Variants in SLC7A6 observed in about 807,000 individuals in gnomAD.
SLC7A6 encodes the protein solute carrier family 7 member 6.
In SLC7A6, 29 loss-of-function variants were observed where a neutral mutation model predicts 46.6. The observed-to-expected ratio is 0.62, with a 90% CI of 0.46 to 0.85. SLC7A6 has a LOEUF of 0.85. Ranked by LOEUF, SLC7A6 falls within the 40% of genes least tolerant of loss-of-function variation. The pLI is 0.00. For missense variants in SLC7A6, 527 were observed against 647.6 expected, an observed-to-expected ratio of 0.81 and a Z score of 2.02; for synonymous variants, 276 against 257.3, an observed-to-expected ratio of 1.07 and a Z score of -0.70.
At chr16:68,268,989 G>A (rs895773070) in intron 2 of SLC7A6, among the ~76,000 whole-genome samples, 1 of 151,706 alleles carries the variant, frequency 6.6e-6, no homozygotes, top group East Asian at 1.9e-4. Context: ...CGTGGGCAAC[G>A]AGCGAAACTC....
rs2043213166 is a variant in SLC7A6, at chr16:68,298,489, A to G, written c.*1161A>G. 1.3e-5 allele frequency: 2 copies of G among 152,276 alleles called. No homozygotes were observed. The highest frequency in any genetic ancestry group is 2.4e-5 in the African/African-American group (1 of 41,454). 9.4% of individuals were successfully genotyped at this position (152,276 alleles called of 1,614,324 possible). A position where few individuals can be genotyped will look rare whatever the true frequency, so the allele number is the denominator to read the frequency against. On this transcript the variant is annotated 3_prime_UTR_variant, in exon 11 of 11. Coordinates refer to ENST00000219343, the MANE Select transcript of SLC7A6 (RefSeq NM_003983.6). Reference sequence around the variant, plus strand: ...TGCATCCTCTTCTGTCCCTGGCACCAGGCTTTGTTTACACTTGGAGCCACC... The same window carrying G: ...TGCATCCTCTTCTGTCCCTGGCACCGGGCTTTGTTTACACTTGGAGCCACC...
chr16:68,264,808 T>A lies in SLC7A6; in HGVS notation c.-166+232T>A, dbSNP rs916609254. On this transcript the variant is annotated intron_variant, in intron 1 of 10. Coordinates refer to ENST00000219343, the MANE Select transcript of SLC7A6 (RefSeq NM_003983.6). This position sits in a 1 kb window ranked among gnomAD's most constrained non-coding sequence, Gnocchi z 5.8. ...AGGGCCGAGTGTGGGAGAAACGCTG[T>A]ATGGGTGCGAGCCCCGGAGGCTGAT... 2.6e-5 allele frequency: 4 copies of A among 152,228 alleles called. No homozygotes were observed. Among genetic ancestry groups the A allele is most frequent in the African/African-American group, 9.7e-5 (4 of 41,346 alleles). The allele number at this position is 152,228 out of a possible 1,614,324, so 9.4% of individuals were successfully genotyped here. A position where few individuals can be genotyped will look rare whatever the true frequency, so the allele number is the denominator to read the frequency against.
intron 3 of SLC7A6, among the ~76,000 whole-genome samples, chr16:68,278,928 C>T (rs1020505506): frequency 1.2e-3 from 188 of 151,350 alleles, no homozygotes; most frequent in African/African-American, 4.1e-3. Context: ...GGGCGGCTGC[C>T]GGGCGGAGGC....
intron 3 of SLC7A6, among the ~76,000 whole-genome samples, chr16:68,279,123 C>T (rs1304704956): frequency 6.6e-6 from 1 of 151,298 alleles, no homozygotes; most frequent in African/African-American, 2.4e-5. Flanking sequence ...ATCACTTGAG[C>T]ACAGGAGTTT....
chr16:68,300,802 C>G lies in SLC7A6; in HGVS notation c.*3474C>G. 1 of 985,720 alleles carries G rather than the reference C, an allele frequency of 1.0e-6. No individual in the cohort carries two copies. The highest frequency in any genetic ancestry group is 1.2e-6 in the Non-Finnish European group (1 of 830,166). 61.1% of individuals were successfully genotyped at this position (985,720 alleles called of 1,614,324 possible). On this transcript the variant is annotated 3_prime_UTR_variant, in exon 11 of 11. Coordinates refer to ENST00000219343, the MANE Select transcript of SLC7A6 (RefSeq NM_003983.6). ...TTTCTGCCCTAATGGCCATTACTATCCAGTCTGTATTGCTACAAGGGACCC... is the reference window on the plus strand; with the variant it reads ...TTTCTGCCCTAATGGCCATTACTATGCAGTCTGTATTGCTACAAGGGACCC...
rs2043279468 is a variant in SLC7A6, at chr16:68,301,682, T to C, written c.*4354T>C. The C allele has an allele frequency of 7.8e-6, 2 of 256,442 alleles. No homozygotes were observed. The highest frequency in any genetic ancestry group is 5.2e-5 in the Admixed American group (1 of 19,414). The allele number at this position is 256,442 out of a possible 1,614,324, so 15.9% of individuals were successfully genotyped here. ...CTCCGTATAGGATTTTTTGTTGTTG[T>C]AAGAGTTGTAGTCATATTGTAAATA... On this transcript the variant is annotated 3_prime_UTR_variant, in exon 11 of 11. Transcript: ENST00000219343.
rs2043238651 is a variant in SLC7A6, at chr16:68,299,855, G to A, written c.*2527G>A. ...GTTTTAATTAGCTGCAATATATACG[G>A]CCTGTGTACACAGAATTTAATCACT... is the stretch of plus-strand genomic sequence containing the variant. On this transcript the variant is annotated 3_prime_UTR_variant, in exon 11 of 11. Coordinates refer to ENST00000219343, the MANE Select transcript of SLC7A6 (RefSeq NM_003983.6). 6.6e-6 allele frequency: 1 copy of A among 152,148 alleles called. No homozygotes were observed. Among genetic ancestry groups the A allele is most frequent in the African/African-American group, 2.4e-5 (1 of 41,428 alleles). 9.4% of individuals were successfully genotyped at this position (152,148 alleles called of 1,614,324 possible).
intron 4 of SLC7A6, among the ~76,000 whole-genome samples, chr16:68,289,281 G>A (rs2043000666): frequency 1.3e-5 from 2 of 151,898 alleles, no homozygotes. Context: ...CAACAAGAAC[G>A]AAACTCTGTC....
intron 3 of SLC7A6, among the ~76,000 whole-genome samples, chr16:68,283,240 T>G (rs2042861185): frequency 6.6e-6 from 1 of 152,240 alleles, no homozygotes; most frequent in African/African-American, 2.4e-5. Flanking sequence ...TTTGTTTCTC[T>G]CACATGTTAA....
intron 3 of SLC7A6, among the ~76,000 whole-genome samples, chr16:68,277,316 T>TTTTA (rs71145991): frequency 0.033 from 4,552 of 135,904 alleles, 126 homozygotes; most frequent in East Asian, 0.07. Flanking sequence ...AGAAGAGTAC[T>TTTTA]TTTATTTATT....
At chr16:68,296,591 CCCA>C (rs1388824832) in intron 9 of SLC7A6, 33 bp from the exon 10 acceptor site, 11 of 1,613,602 alleles carry the variant, frequency 6.8e-6, no homozygotes, top group Non-Finnish European at 9.3e-6. Context: ...GTTTCCTCTT[CCCA>C]CGTTACTTAA....
intron 3 of SLC7A6, among the ~76,000 whole-genome samples, chr16:68,284,859 C>CTCTTTTTTTT (rs776927373): frequency 9.4e-5 from 9 of 95,646 alleles, no homozygotes; most frequent in African/African-American, 4.1e-4. Context: ...ATTTTCTCGT[C>CTCTTTTTTTT]TTTTTTTTTT....
Position 68,284,859 on chromosome 16 carries a change from C to CT in SLC7A6, c.524-2869dup, listed in dbSNP as rs71384525. On this transcript the variant is annotated intron_variant, in intron 3 of 10. Transcript: ENST00000219343. The stretch of plus-strand genomic sequence containing the variant: ...CTGTCTCTTCTGTGTATTTTCTCGT[C>CT]TTTTTTTTTTTTTTTTTTAGAGACA... 5.1e-4 allele frequency among the ~76,000 whole-genome samples: 49 copies of CT among 95,604 alleles called. 1 individual carries two copies. The highest frequency in any genetic ancestry group is 0.014 in the Middle Eastern group (2 of 142). The allele number at this position is 95,604 out of a possible 152,430, so 62.7% of individuals were successfully genotyped here.
At chr16:68,280,708 C>T (rs763357714) in intron 3 of SLC7A6, among the ~76,000 whole-genome samples, 2 of 151,812 alleles carry the variant, frequency 1.3e-5, no homozygotes, top group East Asian at 1.9e-4. Flanking sequence ...GTTGGGATTA[C>T]AGGCATGAGC....
At chr16:68,289,062 C>G (rs1247158377) in intron 4 of SLC7A6, among the ~76,000 whole-genome samples, 1 of 150,522 alleles carries the variant, frequency 6.6e-6, no homozygotes, top group African/African-American at 2.5e-5. Flanking sequence ...GAGGCTGAGG[C>G]AGATGGATCA....
At chr16:68,277,460 C>T (rs1167631243) in intron 3 of SLC7A6, among the ~76,000 whole-genome samples, 2 of 151,594 alleles carry the variant, frequency 1.3e-5, no homozygotes, top group East Asian at 1.9e-4. Flanking sequence ...AGTAGGCGCC[C>T]GCCACCGTGC....
At chr16:68,270,473 C>G (rs972540848) in intron 2 of SLC7A6, among the ~76,000 whole-genome samples, 6 of 152,238 alleles carry the variant, frequency 3.9e-5, no homozygotes, top group African/African-American at 1.4e-4. Context: ...CTCCCATAAG[C>G]CAGCACTACC....
intron 4 of SLC7A6, among the ~76,000 whole-genome samples, chr16:68,289,024 C>G (rs1352484765): frequency 6.6e-6 from 1 of 151,396 alleles, no homozygotes; most frequent in Non-Finnish European, 1.5e-5. Flanking sequence ...TGGCTCATGC[C>G]TGTAATCTCA....
In SLC7A6 at chr16:68,289,493, G is replaced by A. The variant is rs187285131; in HGVS notation, c.650-903G>A. 3.4e-3 allele frequency among the ~76,000 whole-genome samples: 523 copies of A among 152,222 alleles called. 7 individuals carry two copies. Among genetic ancestry groups the A allele is most frequent in the African/African-American group, 0.012 (482 of 41,520 alleles). On this transcript the variant is annotated intron_variant, in intron 4 of 10. Coordinates refer to ENST00000219343, the MANE Select transcript of SLC7A6 (RefSeq NM_003983.6). The stretch of plus-strand genomic sequence containing the variant: ...TCCTTAGGGAACCACTGCTGTGTAT[G>A]AGAATGGACACCCCTGAGGACAGGG...
Sources: gnomAD v4.1 joint callset for allele counts (sites outside exome capture counted in the v4.1 genomes callset) on GRCh38, gnomAD v4.1.1 for gene constraint, Gnocchi (gnomAD v3.1) non-coding constraint, MANE v1.5 for transcripts, NCBI Gene and HGNC (gene_info 2026-07-23, HGNC 2026-07-21) for gene names.